The following CORO2B variants were observed in gnomAD, a reference collection of about 807,000 sequenced individuals.
The protein encoded by CORO2B is coronin 2B.
A neutral mutation model predicts 58.8 loss-of-function variants in CORO2B; 26 were observed. That is an observed-to-expected ratio of 0.44 (90% confidence interval 0.32 to 0.61). The LOEUF (loss-of-function observed/expected upper bound fraction) is 0.61, where lower values mean the gene tolerates loss of function less well. Ranked by LOEUF, CORO2B falls within the 20% of genes least tolerant of loss-of-function variation. The probability of loss-of-function intolerance (pLI) is 0.04; values close to 1 mark genes in which losing one functional copy is unlikely to be tolerated. For missense variants in CORO2B, 460 were observed against 645.1 expected (o/e 0.71, Z 3.11); for synonymous variants, 242 against 253.8 (o/e 0.95, Z 0.44).
At chr15:68,571,662 C>T in the CORO2B span, among the ~76,000 whole-genome samples, 1 of 152,162 alleles carries the variant, frequency 6.6e-6, no homozygotes, top group African/African-American at 2.4e-5. Flanking sequence ...TATATAGACA[C>T]AGGTCCCACA....
the CORO2B span, among the ~76,000 whole-genome samples, chr15:68,538,771 A>AGAG: frequency 5.6e-3 from 4 of 712 alleles, no homozygotes; most frequent in Non-Finnish European, 0.024. Flanking sequence ...CTACTGGGAG[A>AGAG]GAAGAGGATC....
At chr15:68,661,998 C>A (rs1341117478) in intron 2 of CORO2B, among the ~76,000 whole-genome samples, 1 of 150,924 alleles carries the variant, frequency 6.6e-6, no homozygotes, top group East Asian at 1.9e-4. Flanking sequence ...CAGAGTAAGA[C>A]CCTGTCTCAA....
chr15:68,680,824 A>G (rs1356208174), intron 2 of CORO2B, among the ~76,000 whole-genome samples: 2 of 152,202 alleles, frequency 1.3e-5, no homozygotes, highest in Non-Finnish European at 1.5e-5. Flanking sequence ...AAAAAATTGA[A>G]ATAACACTTG....
intron 2 of CORO2B, among the ~76,000 whole-genome samples, chr15:68,687,079 T>C (rs1903008163): frequency 6.6e-6 from 1 of 152,158 alleles, no homozygotes; most frequent in African/African-American, 2.4e-5. Context: ...TCTGTGCTGG[T>C]ACACTGGAAG....
the CORO2B span, among the ~76,000 whole-genome samples, chr15:68,556,949 A>G: frequency 1.3e-5 from 2 of 152,138 alleles, no homozygotes; most frequent in African/African-American, 4.8e-5. Context: ...CTTTCCTGTC[A>G]TAATCAGTTC....
chr15:68,660,900 G>A (rs2140286470), intron 2 of CORO2B, among the ~76,000 whole-genome samples: 1 of 151,418 alleles, frequency 6.6e-6, no homozygotes, highest in East Asian at 1.9e-4. Flanking sequence ...TTTTCATGTT[G>A]TTCTCTCTAT....
At chr15:68,660,538 T>C (rs920193258) in intron 2 of CORO2B, among the ~76,000 whole-genome samples, 1 of 152,040 alleles carries the variant, frequency 6.6e-6, no homozygotes, top group African/African-American at 2.4e-5. Context: ...ACCTGGCTAA[T>C]TTTTTTATTT....
intron 1 of CORO2B, among the ~76,000 whole-genome samples, chr15:68,580,621 T>C (rs1040834034): frequency 6.6e-6 from 1 of 152,174 alleles, no homozygotes; most frequent in East Asian, 1.9e-4. Context: ...CTCTGGCTAC[T>C]TCTGGCAGGG....
intron 1 of CORO2B, among the ~76,000 whole-genome samples, chr15:68,619,205 C>T (rs1900447906): frequency 6.6e-6 from 1 of 152,214 alleles, no homozygotes; most frequent in East Asian, 1.9e-4. Flanking sequence ...ATCTGTGTTA[C>T]TCTTCCAGGG....
chr15:68,693,911 C>T (rs1892446955), intron 2 of CORO2B, among the ~76,000 whole-genome samples: 1 of 152,186 alleles, frequency 6.6e-6, no homozygotes, highest in Admixed American at 6.5e-5. Context: ...TCTTGGCTCA[C>T]CGCAACCTCC....
intron 1 of CORO2B, among the ~76,000 whole-genome samples, chr15:68,583,401 C>T (rs942197208): frequency 8.5e-5 from 13 of 152,320 alleles, no homozygotes; most frequent in East Asian, 5.8e-4. Context: ...GCTGGCACCT[C>T]GGTCCTGACT....
At chr15:68,631,552 G>A (rs1900829818) in intron 1 of CORO2B, among the ~76,000 whole-genome samples, 1 of 152,176 alleles carries the variant, frequency 6.6e-6, no homozygotes, top group South Asian at 2.1e-4. Context: ...CAGAATCTCA[G>A]CCAGGAAGTC....
rs183078310 is a variant in CORO2B at position 68,725,355 on chromosome 15, C to T, written c.1312-488C>T. ...CCGCACTACAGCCTGGGCGACAAAG[C>T]GAGACTTTGTCTCAAAAATAAATAA... On this transcript the variant is annotated intron_variant, in intron 11 of 11. Transcript: ENST00000261861. Among the ~76,000 whole-genome samples, 63 of 151,778 alleles carry T rather than the reference C, an allele frequency of 4.2e-4. 1 individual carries two copies. In the East Asian group the frequency reaches 8.2e-3, roughly 20 times the overall value.
intron 1 of CORO2B, among the ~76,000 whole-genome samples, chr15:68,604,563 T>C (rs1458607163): frequency 2.0e-5 from 3 of 151,144 alleles, no homozygotes; most frequent in Non-Finnish European, 3.0e-5. Context: ...GTGTGTGTCC[T>C]CCCCAGAGGA....
chr15:68,531,542 AGG>A, the CORO2B span, among the ~76,000 whole-genome samples: 1,037 of 129,242 alleles, frequency 8.0e-3, 24 homozygotes, highest in African/African-American at 0.029. Context: ...GAAGGAAGGA[AGG>A]AAGGAAGGAA....
chr15:68,563,783 C>T, the CORO2B span, among the ~76,000 whole-genome samples: 3 of 151,940 alleles, frequency 2.0e-5, no homozygotes, highest in Admixed American at 1.3e-4. Context: ...AGATGAAATC[C>T]GCAAATTCCT....
chr15:68,551,143 C>T, the CORO2B span, among the ~76,000 whole-genome samples: 1 of 152,112 alleles, frequency 6.6e-6, no homozygotes, highest in Non-Finnish European at 1.5e-5. Context: ...CCTTTCCCAG[C>T]ACTCGCTTTC....
At chr15:68,610,586 G>A (rs185847644) in intron 1 of CORO2B, among the ~76,000 whole-genome samples, 20 of 151,976 alleles carry the variant, frequency 1.3e-4, no homozygotes, top group African/African-American at 3.9e-4. Context: ...AGCATCCTGC[G>A]CGTTTAAATT....
At chr15:68,705,165 G>A (rs1222350645) in intron 3 of CORO2B, among the ~76,000 whole-genome samples, 1 of 152,150 alleles carries the variant, frequency 6.6e-6, no homozygotes, top group Non-Finnish European at 1.5e-5. Flanking sequence ...AAGTTTGGAA[G>A]ATTAACTAAT....
Sources: gnomAD v4.1 joint callset for allele counts (sites outside exome capture counted in the v4.1 genomes callset) on GRCh38, gnomAD v4.1.1 for gene constraint, MANE v1.5 for transcripts, NCBI Gene and HGNC (gene_info 2026-07-23, HGNC 2026-07-21) for gene names.